PDSS2: variants seen among roughly 807,000 people sequenced by gnomAD.
PDSS2 encodes all trans-polyprenyl-diphosphate synthase PDSS2.
PDSS2 carries 31 observed loss-of-function variants against 44.5 expected under a neutral mutation model. The ratio of observed to expected loss-of-function variants is 0.70; its 90% CI spans 0.52 to 0.94. PDSS2 has a LOEUF of 0.94. PDSS2 is among the 40% of genes least tolerant of loss of function. PDSS2 has a pLI of 0.00. For synonymous variants in PDSS2, 157 were observed against 180.3 expected (o/e 0.87, Z 1.03); for missense variants, 452 against 482.2 (o/e 0.94, Z 0.59).
intron 1 of PDSS2, among the ~76,000 whole-genome samples, chr6:107,433,769 T>C (rs1160407487): frequency 2.6e-5 from 4 of 151,962 alleles, no homozygotes; most frequent in South Asian, 4.1e-4. Context: ...AATGGACAAA[T>C]GGGATCACAT....
chr6:107,213,366 T>G (rs1773295440), intron 4 of PDSS2, among the ~76,000 whole-genome samples: 1 of 151,468 alleles, frequency 6.6e-6, no homozygotes, highest in Non-Finnish European at 1.5e-5. Context: ...GTCAGGCTGG[T>G]CTTGAACTCC....
chr6:107,408,674 A>G (rs319059), intron 1 of PDSS2, among the ~76,000 whole-genome samples: 109,993 of 152,140 alleles, frequency 0.72, 40,234 homozygotes, highest in Middle Eastern at 0.79. Context: ...TGCTTCTGCC[A>G]CACCTACAGA....
At chr6:107,228,735 C>T (rs1428273761) in intron 4 of PDSS2, among the ~76,000 whole-genome samples, 1 of 150,030 alleles carries the variant, frequency 6.7e-6, no homozygotes, top group African/African-American at 2.4e-5. Context: ...AACAAACAAA[C>T]AAACAAACAA....
At chr6:107,198,886 C>T (rs2114558262) in intron 6 of PDSS2, among the ~76,000 whole-genome samples, 1 of 152,238 alleles carries the variant, frequency 6.6e-6, no homozygotes, top group East Asian at 1.9e-4. Flanking sequence ...ATCCCAGCTA[C>T]TTAGGAGGCT....
chr6:107,248,927 A>G (rs1317862238), intron 3 of PDSS2, among the ~76,000 whole-genome samples: 2 of 152,204 alleles, frequency 1.3e-5, no homozygotes, highest in African/African-American at 4.8e-5. Context: ...AATACCTAGA[A>G]TTATAATAAA....
intron 1 of PDSS2, among the ~76,000 whole-genome samples, chr6:107,339,555 C>A (rs187317715): frequency 7.9e-5 from 12 of 152,202 alleles, no homozygotes; most frequent in Admixed American, 6.5e-4. Flanking sequence ...AAAAACGAAT[C>A]ATGAGGACGT....
intron 2 of PDSS2, among the ~76,000 whole-genome samples, chr6:107,285,286 GA>G (rs1270537996): frequency 2.0e-5 from 3 of 151,718 alleles, no homozygotes; most frequent in Non-Finnish European, 2.9e-5. Flanking sequence ...CAAAACTTTG[GA>G]AAAAAAATAA....
At chr6:107,425,029 CG>C (rs974257917) in intron 1 of PDSS2, among the ~76,000 whole-genome samples, 4 of 152,170 alleles carry the variant, frequency 2.6e-5, no homozygotes, top group African/African-American at 9.6e-5. Context: ...GTTTTAAAAA[CG>C]GGAGTTTCCT....
chr6:107,243,619 T>C (rs777229340), intron 4 of PDSS2, among the ~76,000 whole-genome samples: 2 of 152,226 alleles, frequency 1.3e-5, no homozygotes, highest in Non-Finnish European at 2.9e-5. Flanking sequence ...CTGGTCACTA[T>C]AATTATCATA....
chr6:107,363,103 G>C (rs141500499), intron 1 of PDSS2, among the ~76,000 whole-genome samples: 80 of 152,220 alleles, frequency 5.3e-4, no homozygotes, highest in African/African-American at 1.7e-3. Flanking sequence ...TGAGAAAGGG[G>C]CACAGAAAAT....
intron 7 of PDSS2, among the ~76,000 whole-genome samples, chr6:107,157,280 G>A (rs1190262589): frequency 6.7e-6 from 1 of 149,634 alleles, no homozygotes; most frequent in Non-Finnish European, 1.5e-5. Flanking sequence ...CAGTTCCCCG[G>A]CTCAAGTGAT....
chr6:107,346,413 G>A (rs182037891), intron 1 of PDSS2, among the ~76,000 whole-genome samples: 40 of 152,178 alleles, frequency 2.6e-4, no homozygotes, highest in Admixed American at 5.9e-4. Context: ...GAGGCTCATA[G>A]GAATAATTTA....
intron 3 of PDSS2, among the ~76,000 whole-genome samples, chr6:107,256,512 A>G (rs17269298): frequency 6.6e-6 from 1 of 152,172 alleles, no homozygotes; most frequent in Non-Finnish European, 1.5e-5. Context: ...ATTCAGAGAC[A>G]TCCCAAGGTT....
rs1209840167 is a variant in PDSS2, at chr6:107,153,159, C to A, written c.*1460G>T. ...TAACTTCATGTAGTGTTTGAGCGAA[C>A]TAGGTAATAAAATCTGTTTGCTGTA... On this transcript the variant is annotated 3_prime_UTR_variant, in exon 8 of 8. Transcript: ENST00000369037. 1 of 152,544 alleles carries A rather than the reference C, an allele frequency of 6.6e-6. No individual in the cohort carries two copies. The highest frequency in any genetic ancestry group is 1.5e-5 in the Non-Finnish European group (1 of 68,044). 9.4% of individuals were successfully genotyped at this position (152,544 alleles called of 1,614,324 possible).
At chr6:107,323,699 C>T (rs1298833707) in intron 2 of PDSS2, among the ~76,000 whole-genome samples, 1 of 152,136 alleles carries the variant, frequency 6.6e-6, no homozygotes, top group Admixed American at 6.6e-5. Flanking sequence ...AAGTGATTTG[C>T]ACAACTTCTA....
At chr6:107,423,997 T>C (rs1424708218) in intron 1 of PDSS2, among the ~76,000 whole-genome samples, 1 of 151,484 alleles carries the variant, frequency 6.6e-6, no homozygotes, top group African/African-American at 2.4e-5. Flanking sequence ...ACACTTCATT[T>C]AGCAATTACT....
At chr6:107,174,094 C>T (rs1554249267) in intron 7 of PDSS2, among the ~76,000 whole-genome samples, 1 of 152,086 alleles carries the variant, frequency 6.6e-6, no homozygotes. Flanking sequence ...TATTTTCAGT[C>T]CTGGGGGCCA....
chr6:107,411,059 A>G lies in PDSS2; in HGVS notation c.296+47931T>C, dbSNP rs571081298. Among the ~76,000 whole-genome samples, 4 of 150,284 alleles carry G rather than the reference A, an allele frequency of 2.7e-5. No individual in the cohort carries two copies. In the South Asian group the frequency reaches 8.5e-4, roughly 32 times the overall value. On this transcript the variant is annotated intron_variant, in intron 1 of 7. Coordinates refer to ENST00000369037, the MANE Select transcript of PDSS2 (RefSeq NM_020381.4). ...GCTACCATGCCTGGCTAATTTTTGT[A>G]TTTTTTAGTAGAGACAGGGTTTTGC...
chr6:107,210,184 T>C (rs1582790162), intron 6 of PDSS2, among the ~76,000 whole-genome samples: 1 of 152,202 alleles, frequency 6.6e-6, no homozygotes, highest in Non-Finnish European at 1.5e-5. Flanking sequence ...CTGAGTTAAT[T>C]AGCATTCACC....
Sources: allele counts gnomAD v4.1 joint callset (sites outside exome capture counted in the v4.1 genomes callset), GRCh38; gene constraint gnomAD v4.1.1; transcripts MANE v1.5; gene names NCBI Gene and HGNC (gene_info 2026-07-23, HGNC 2026-07-21).